TMEM117: variants seen among roughly 807,000 people sequenced by gnomAD.
The protein encoded by TMEM117 is transmembrane protein 117.
Under a neutral mutation model 52.4 loss-of-function variants are expected in TMEM117, and 27 were observed. The observed-to-expected ratio is 0.51, with a 90% CI of 0.38 to 0.71. The LOEUF is 0.71. Ranked by LOEUF, TMEM117 falls within the 30% of genes least tolerant of loss-of-function variation. The pLI is 0.00. For missense variants in TMEM117, 556 were observed against 630.5 expected (o/e 0.88, Z 1.26); for synonymous variants, 215 against 206.3 (o/e 1.04, Z -0.36).
chr12:44,261,447 A>AT, intron 5 of TMEM117, among the ~76,000 whole-genome samples: 1 of 152,270 alleles, frequency 6.6e-6, no homozygotes, highest in East Asian at 1.9e-4. Flanking sequence ...AGTAGTCTGG[A>AT]TTTTTTTGCA....
chr12:44,079,995 G>A (rs1947454454), intron 3 of TMEM117, among the ~76,000 whole-genome samples: 1 of 145,850 alleles, frequency 6.9e-6, no homozygotes, highest in Admixed American at 6.8e-5. Context: ...TCCAGCCTGG[G>A]CGACAGAGTA....
In TMEM117 at chr12:44,094,685, TCACTAAGAAAATC is replaced by T. The variant is rs368471007; in HGVS notation, c.411-48835_411-48823del. Among the ~76,000 whole-genome samples, 157 of 152,226 alleles carry T rather than the reference TCACTAAGAAAATC, an allele frequency of 1.0e-3. 1 individual carries two copies. The highest frequency in any genetic ancestry group is 3.3e-3 in the African/African-American group (138 of 41,564). On this transcript the variant is annotated intron_variant, in intron 3 of 7. Transcript: ENST00000266534. ...TAGTATGAAGATAGGAATTCCATTATCACTAAGAAAATCCACTCTGGGCATCCAAGTCGATATT... is the reference window on the plus strand; with the variant it reads ...TAGTATGAAGATAGGAATTCCATTATCACTCTGGGCATCCAAGTCGATATT...
chr12:44,370,124 C>T lies in TMEM117; in HGVS notation c.769-6471C>T, dbSNP rs115166695. Among the ~76,000 whole-genome samples the T allele has an allele frequency of 2.5e-3, 384 of 152,316 alleles. 2 individuals are homozygous for T. The highest frequency in any genetic ancestry group is 7.6e-3 in the African/African-American group (318 of 41,578). ...TTTACATTCTCTTTCCTTGTTCTCT[C>T]ACTTGGTTAGACATGTCTCATGAAC... On this transcript the variant is annotated intron_variant, in intron 6 of 7. Transcript: ENST00000266534.
chr12:44,057,818 A>C (rs1947080628), intron 3 of TMEM117, among the ~76,000 whole-genome samples: 1 of 152,176 alleles, frequency 6.6e-6, no homozygotes, highest in African/African-American at 2.4e-5. Flanking sequence ...GAAATAGAAA[A>C]AATATGTATG....
chr12:44,057,735 C>G (rs1054496661), intron 3 of TMEM117, among the ~76,000 whole-genome samples: 1 of 152,034 alleles, frequency 6.6e-6, no homozygotes, highest in African/African-American at 2.4e-5. Flanking sequence ...GATTCTGGCT[C>G]TGTTCTGCCA....
At chr12:44,050,538 T>G (rs979656338) in intron 3 of TMEM117, among the ~76,000 whole-genome samples, 1 of 152,212 alleles carries the variant, frequency 6.6e-6, no homozygotes, top group Non-Finnish European at 1.5e-5. Flanking sequence ...TTCTAGGCAC[T>G]GAGAAGTTGA....
downstream of TMEM117, among the ~76,000 whole-genome samples, chr12:44,394,582 G>A (rs1952173190): frequency 6.6e-6 from 1 of 152,198 alleles, no homozygotes; most frequent in Non-Finnish European, 1.5e-5. Flanking sequence ...CCTTGGAGCT[G>A]CTGGGCCAAA....
chr12:44,104,048 G>A (rs1291586202), intron 3 of TMEM117, among the ~76,000 whole-genome samples: 7 of 151,966 alleles, frequency 4.6e-5, no homozygotes, highest in Admixed American at 3.9e-4. Context: ...CTTCTGGAAA[G>A]CAAGAGAGAG....
chr12:43,870,495 G>T (rs1349355932), intron 2 of TMEM117, among the ~76,000 whole-genome samples: 1 of 152,012 alleles, frequency 6.6e-6, no homozygotes, highest in Admixed American at 6.5e-5. Flanking sequence ...CTGACCTCAG[G>T]AGATCCACCC....
At chr12:44,085,942 G>A (rs1425732577) in intron 3 of TMEM117, among the ~76,000 whole-genome samples, 1 of 152,034 alleles carries the variant, frequency 6.6e-6, no homozygotes, top group Non-Finnish European at 1.5e-5. Flanking sequence ...AAGAGAAGAG[G>A]ATGAAGAGTA....
chr12:44,082,632 A>G (rs1450155900), intron 3 of TMEM117, among the ~76,000 whole-genome samples: 1 of 152,126 alleles, frequency 6.6e-6, no homozygotes, highest in Non-Finnish European at 1.5e-5. Context: ...ACTATCAAAT[A>G]ATAATTATGT....
intron 3 of TMEM117, among the ~76,000 whole-genome samples, chr12:44,139,474 T>C (rs1214778301): frequency 1.5e-5 from 2 of 136,848 alleles, no homozygotes; most frequent in Non-Finnish European, 1.5e-5. Flanking sequence ...TTCCAGATCT[T>C]GTATATTGAA....
At chr12:44,358,623 A>T (rs1951682683) in intron 6 of TMEM117, among the ~76,000 whole-genome samples, 1 of 152,174 alleles carries the variant, frequency 6.6e-6, no homozygotes, top group South Asian at 2.1e-4. Context: ...AAATGTATTC[A>T]GTTGGAACCA....
rs755148669 is a variant in TMEM117 at position 44,314,567 on chromosome 12, CTT to C, written c.768+14844_768+14845del. ...GGATATTGGCCTGTAGTTTCTTCTT[CTT>C]TTTTTTTTTTTTTTTAAGACAAAGT... On this transcript the variant is annotated intron_variant, in intron 6 of 7. Coordinates refer to ENST00000266534, the MANE Select transcript of TMEM117 (RefSeq NM_032256.3). Among the ~76,000 whole-genome samples the C allele has an allele frequency of 2.3e-3, 302 of 130,548 alleles. 3 individuals are homozygous for C. Among genetic ancestry groups the C allele is most frequent in the African/African-American group, 6.9e-3 (251 of 36,144 alleles). 85.6% of individuals were successfully genotyped at this position (130,548 alleles called of 152,430 possible).
chr12:44,153,156 T>G (rs1948779452), intron 4 of TMEM117, among the ~76,000 whole-genome samples: 1 of 151,910 alleles, frequency 6.6e-6, no homozygotes. Flanking sequence ...AGATACATAC[T>G]GATTTTCCAT....
chr12:44,052,091 A>G (rs1219928285), intron 3 of TMEM117, among the ~76,000 whole-genome samples: 1 of 152,262 alleles, frequency 6.6e-6, no homozygotes, highest in East Asian at 1.9e-4. Flanking sequence ...GTTATCATGT[A>G]GATTAAATAT....
chr12:44,302,739 G>A (rs1342989420), intron 6 of TMEM117, among the ~76,000 whole-genome samples: 2 of 152,202 alleles, frequency 1.3e-5, no homozygotes, highest in Non-Finnish European at 2.9e-5. Context: ...TGAGCATCAT[G>A]TAGAAGTTGT....
chr12:43,868,536 G>A (rs2137420687), intron 2 of TMEM117, among the ~76,000 whole-genome samples: 2 of 151,112 alleles, frequency 1.3e-5, no homozygotes, highest in Middle Eastern at 6.8e-3. Flanking sequence ...TGGCGACAGA[G>A]TGAGACACCG....
intron 2 of TMEM117, among the ~76,000 whole-genome samples, chr12:43,909,650 G>C (rs1944459106): frequency 6.6e-6 from 1 of 152,050 alleles, no homozygotes; most frequent in South Asian, 2.1e-4. Flanking sequence ...AATAAAAAAT[G>C]ATAAAGGAGA....
Sources: gnomAD v4.1 joint callset for allele counts (sites outside exome capture counted in the v4.1 genomes callset) on GRCh38, gnomAD v4.1.1 for gene constraint, MANE v1.5 for transcripts, NCBI Gene and HGNC (gene_info 2026-07-23, HGNC 2026-07-21) for gene names.